Variants in LPAR1 observed in about 807,000 individuals in gnomAD.
LPAR1 encodes the protein LPA receptor 1.
A neutral mutation model predicts 23.8 loss-of-function variants in LPAR1; 5 were observed. The ratio of observed to expected loss-of-function variants is 0.21; its 90% CI spans 0.11 to 0.44. The LOEUF is 0.44. LPAR1 is among the 20% of genes least tolerant of loss of function. The pLI, the probability that LPAR1 is intolerant of heterozygous loss-of-function variation, is 0.99. For missense variants in LPAR1, 311 were observed against 482.8 expected (o/e 0.64, Z 3.33); for synonymous variants, 160 against 164.7 (o/e 0.97, Z 0.22).
At chr9:110,912,026 G>A (rs1457862385) in intron 5 of LPAR1, among the ~76,000 whole-genome samples, 1 of 152,160 alleles carries the variant, frequency 6.6e-6, no homozygotes, top group Non-Finnish European at 1.5e-5. Context: ...GAAACCCTTG[G>A]GTGATAGGAA....
chr9:110,918,256 C>T (rs2093356347), intron 5 of LPAR1, among the ~76,000 whole-genome samples: 2 of 152,130 alleles, frequency 1.3e-5, no homozygotes, highest in African/African-American at 4.8e-5. Context: ...TATAAATAAA[C>T]AGGCACATAC....
chr9:110,920,971 A>G (rs544837431), intron 5 of LPAR1, among the ~76,000 whole-genome samples: 3 of 148,642 alleles, frequency 2.0e-5, no homozygotes, highest in African/African-American at 7.4e-5. Flanking sequence ...ACAACAACAA[A>G]TTTTTTTTTT....
At chr9:110,882,084 A>G (rs1209750482) in intron 5 of LPAR1, among the ~76,000 whole-genome samples, 2 of 152,206 alleles carry the variant, frequency 1.3e-5, no homozygotes, top group Non-Finnish European at 2.9e-5. Flanking sequence ...ATCCTTGGTT[A>G]TCCTAGCCAG....
At chr9:110,950,119 A>G (rs528311123) in intron 4 of LPAR1, among the ~76,000 whole-genome samples, 16 of 152,022 alleles carry the variant, frequency 1.1e-4, no homozygotes, top group Non-Finnish European at 1.8e-4. Flanking sequence ...AAACATTCAT[A>G]TCATATTTAA....
chr9:111,008,915 T>G lies in LPAR1; in HGVS notation c.-182+27207A>C, dbSNP rs7869066. On this transcript the variant is annotated intron_variant, in intron 2 of 5. Coordinates refer to ENST00000683809, the MANE Select transcript of LPAR1 (RefSeq NM_001351411.2). ...CTCAAAGAATTCCCAGAGAAAAAGT[T>G]CCTAGAAACATGAGCTTACATTGGG... 9.7e-3 allele frequency among the ~76,000 whole-genome samples: 1,470 copies of G among 152,128 alleles called. 23 individuals carry two copies. The highest frequency in any genetic ancestry group is 0.033 in the African/African-American group (1,375 of 41,500).
chr9:110,967,303 C>T (rs759882815), intron 4 of LPAR1, among the ~76,000 whole-genome samples: 6 of 152,124 alleles, frequency 3.9e-5, no homozygotes, highest in Admixed American at 2.0e-4. Context: ...ACTTGCCCCA[C>T]TTCAAAAAAC....
chr9:111,024,914 G>C (rs1229180538), intron 2 of LPAR1, among the ~76,000 whole-genome samples: 1 of 152,130 alleles, frequency 6.6e-6, no homozygotes, highest in African/African-American at 2.4e-5. Flanking sequence ...ATTCCACAGT[G>C]TATATGTGCC....
chr9:110,981,678 G>C (rs988243180), intron 2 of LPAR1, among the ~76,000 whole-genome samples: 5 of 151,906 alleles, frequency 3.3e-5, no homozygotes, highest in African/African-American at 1.2e-4. Context: ...TGGTGCCATG[G>C]AAGTCTGGCT....
At chr9:110,974,164 A>AC (rs1564214585) in intron 2 of LPAR1, among the ~76,000 whole-genome samples, 1 of 151,906 alleles carries the variant, frequency 6.6e-6, no homozygotes, top group Non-Finnish European at 1.5e-5. Flanking sequence ...GTCTCAAAAA[A>AC]AAAAAGTAAG....
intron 2 of LPAR1, among the ~76,000 whole-genome samples, chr9:111,015,564 G>C (rs955195734): frequency 6.6e-6 from 1 of 152,102 alleles, no homozygotes. Flanking sequence ...ACAGTGGGGT[G>C]GGAGATAGGG....
rs2097316201 is a variant in LPAR1, at chr9:111,010,748, T to C, written c.-182+25374A>G. ...TCAGATCACAGGCAACACACTTCCA[T>C]GTGACTTTAAATGTATATTATTAGC... On this transcript the variant is annotated intron_variant, in intron 2 of 5. Coordinates refer to ENST00000683809, the MANE Select transcript of LPAR1 (RefSeq NM_001351411.2). 2.6e-5 allele frequency among the ~76,000 whole-genome samples: 4 copies of C among 152,154 alleles called. 1 individual carries two copies. The highest frequency in any genetic ancestry group is 4.1e-4 in the South Asian group (2 of 4,824).
At chr9:110,986,221 C>A (rs1322207504) in intron 2 of LPAR1, among the ~76,000 whole-genome samples, 1 of 152,050 alleles carries the variant, frequency 6.6e-6, no homozygotes, top group East Asian at 1.9e-4. Context: ...AGGAGAAGCA[C>A]CCTATAGGGT....
chr9:111,021,567 T>C (rs1334708360), intron 2 of LPAR1, among the ~76,000 whole-genome samples: 1 of 152,200 alleles, frequency 6.6e-6, no homozygotes, highest in Non-Finnish European at 1.5e-5. Context: ...ATCCAGCATA[T>C]AAACATAAGA....
At chr9:110,935,064 A>G (rs534275449) in intron 5 of LPAR1, among the ~76,000 whole-genome samples, 1 of 152,292 alleles carries the variant, frequency 6.6e-6, no homozygotes, top group East Asian at 1.9e-4. Flanking sequence ...ATTGGTTATA[A>G]GAAGACCTAT....
intron 2 of LPAR1, among the ~76,000 whole-genome samples, chr9:111,019,318 A>G (rs947902628): frequency 6.6e-6 from 1 of 152,148 alleles, no homozygotes; most frequent in African/African-American, 2.4e-5. Context: ...TAATAGAGAT[A>G]TATTTTAAAA....
At chr9:110,918,553 A>G (rs755669850) in intron 5 of LPAR1, among the ~76,000 whole-genome samples, 2 of 152,086 alleles carry the variant, frequency 1.3e-5, no homozygotes, top group Non-Finnish European at 2.9e-5. Context: ...CGGTCTGGAT[A>G]TAAGATTTCT....
At chr9:111,027,129 G>A (rs1018576507) in intron 2 of LPAR1, among the ~76,000 whole-genome samples, 1 of 152,038 alleles carries the variant, frequency 6.6e-6, no homozygotes, top group Non-Finnish European at 1.5e-5. Flanking sequence ...TAACTTTGGT[G>A]GAATGCAGTT....
At position 110,875,374 on chromosome 9, in the gene LPAR1, T is replaced by C. The variant is rs1354726149; in HGVS notation, c.*47A>G. ...CTGGCAATTGGGTAGGGGGAGGCTGTTTATCCTCCAAGAGAGGACGGCTGG... is the reference window on the plus strand; with the variant it reads ...CTGGCAATTGGGTAGGGGGAGGCTGCTTATCCTCCAAGAGAGGACGGCTGG... On this transcript the variant is annotated 3_prime_UTR_variant, in exon 6 of 6. Coordinates refer to ENST00000683809, the MANE Select transcript of LPAR1 (RefSeq NM_001351411.2). The C allele has an allele frequency of 1.3e-6, 2 of 1,520,394 alleles. No individual in the cohort carries two copies. Among genetic ancestry groups the C allele is most frequent in the Non-Finnish European group, 1.8e-6 (2 of 1,124,316 alleles). The allele number at this position is 1,520,394 out of a possible 1,614,324, so 94.2% of individuals were successfully genotyped here. A position where few individuals can be genotyped will look rare whatever the true frequency, so the allele number is the denominator to read the frequency against.
chr9:110,993,569 G>C (rs559385651), intron 2 of LPAR1, among the ~76,000 whole-genome samples: 2 of 152,216 alleles, frequency 1.3e-5, no homozygotes, highest in East Asian at 3.9e-4. Context: ...GGTCAACCAG[G>C]AGAGAAAGAA....
Sources: gnomAD v4.1 joint callset for allele counts (sites outside exome capture counted in the v4.1 genomes callset) on GRCh38, gnomAD v4.1.1 for gene constraint, MANE v1.5 for transcripts, NCBI Gene and HGNC (gene_info 2026-07-23, HGNC 2026-07-21) for gene names.